Variants in SORCS2 observed in about 807,000 individuals in gnomAD.
SORCS2 encodes sortilin related VPS10 domain containing receptor 2, also known as VPS10 domain-containing receptor SorCS2.
In SORCS2, 100 loss-of-function variants were observed where a neutral mutation model predicts 141.6. That is an observed-to-expected ratio of 0.71 (90% CI 0.60 to 0.83). The LOEUF (loss-of-function observed/expected upper bound fraction) is 0.83. Among genes scored for constraint, SORCS2 ranks in the 40% least tolerant of loss-of-function variants. The pLI is 0.00. For missense variants in SORCS2, 1,646 were observed against 1,560.2 expected (o/e 1.05, Z -0.93); for synonymous variants, 789 against 676.9 (o/e 1.17, Z -2.57).
At chr4:7,332,830 G>A (rs1289717146) in intron 1 of SORCS2, among the ~76,000 whole-genome samples, 1 of 152,238 alleles carries the variant, frequency 6.6e-6, no homozygotes, top group East Asian at 1.9e-4. Flanking sequence ...CAGAGTGTGG[G>A]TGAGGCAGGA....
At chr4:7,259,169 G>A (rs80309329) in intron 1 of SORCS2, among the ~76,000 whole-genome samples, 44 of 152,150 alleles carry the variant, frequency 2.9e-4, no homozygotes, top group African/African-American at 9.6e-4. Context: ...TGTTGCCACC[G>A]TTTCTTTAAA....
chr4:7,729,282 G>C (rs938003335), intron 22 of SORCS2, among the ~76,000 whole-genome samples: 1 of 152,130 alleles, frequency 6.6e-6, no homozygotes, highest in African/African-American at 2.4e-5. Flanking sequence ...CAGGGAGGAA[G>C]GTGCTGGTGC....
chr4:7,284,750 G>A (rs1312900049), intron 1 of SORCS2, among the ~76,000 whole-genome samples: 1 of 152,140 alleles, frequency 6.6e-6, no homozygotes, highest in East Asian at 1.9e-4. Flanking sequence ...TGCTACAACC[G>A]GGTGGCTTAA....
intron 10 of SORCS2, among the ~76,000 whole-genome samples, chr4:7,686,873 G>A (rs1197896372): frequency 3.3e-5 from 5 of 152,244 alleles, no homozygotes; most frequent in Non-Finnish European, 7.3e-5. Flanking sequence ...ATGCAAAAGG[G>A]TTCATAGAGC....
intron 2 of SORCS2, among the ~76,000 whole-genome samples, chr4:7,477,504 T>C (rs1730377905): frequency 6.6e-6 from 1 of 152,064 alleles, no homozygotes; most frequent in Admixed American, 6.5e-5. Context: ...GTGAGCTGGC[T>C]CCCATTCCAG....
chr4:7,464,167 G>A (rs927020552), intron 2 of SORCS2, among the ~76,000 whole-genome samples: 1 of 152,194 alleles, frequency 6.6e-6, no homozygotes, highest in African/African-American at 2.4e-5. Flanking sequence ...AATGGGCCAG[G>A]CAGCTTCACC....
intron 2 of SORCS2, among the ~76,000 whole-genome samples, chr4:7,438,129 G>T (rs538529556): frequency 7.9e-5 from 12 of 152,232 alleles, no homozygotes; most frequent in African/African-American, 2.9e-4. Flanking sequence ...GCTGCCCCAT[G>T]TGGCATTGAT....
At position 7,726,890 on chromosome 4, in the gene SORCS2, C is replaced by A; in HGVS notation, c.2856C>A (p.Val952=). 6.2e-7 allele frequency: 1 copy of A among 1,613,348 alleles called. No homozygotes were observed. The highest frequency in any genetic ancestry group is 8.5e-7 in the Non-Finnish European group (1 of 1,179,496). Residue 952 remains valine, a synonymous_variant, in exon 21 of 27, where the codon GTC becomes GTA. Coordinates refer to ENST00000507866, the MANE Select transcript of SORCS2 (RefSeq NM_020777.3). ...CGNSVLQDSR[V]LRVLDQFQVM... ...ACTCGGTGCTGCAGGACTCCAGGGT[C>A]CTCCGTGTGCTGGGTAAGTACTTCC...
intron 2 of SORCS2, among the ~76,000 whole-genome samples, chr4:7,411,989 G>C (rs1254519909): frequency 6.6e-6 from 1 of 152,176 alleles, no homozygotes; most frequent in Non-Finnish European, 1.5e-5. Flanking sequence ...ACCATCCCTA[G>C]CATGTATGCT....
rs891166809 is a variant in SORCS2, at chr4:7,192,690, C to T, written c.44C>T (p.Pro15Leu). The stretch of plus-strand genomic sequence containing the variant: ...TCGCGCGCCTCGAAGGGCCCCGGCC[C>T]CACCGCCCGAGCCCCGAGCCCCGGG... ...GPSRASKGPG[P>L]TARAPSPGAP... Residue 15 changes from proline to leucine, a missense_variant, in exon 1 of 27, where the codon CCC becomes CTC. Transcript: ENST00000507866. This position sits in a 1 kb window ranked among gnomAD's most constrained non-coding sequence, Gnocchi z 4.0. The T allele has an allele frequency of 7.6e-5, 75 of 989,120 alleles. 1 individual carries two copies. The highest frequency in any genetic ancestry group is 6.8e-5 in the Non-Finnish European group (57 of 833,882). The allele number at this position is 989,120 out of a possible 1,614,324, so 61.3% of individuals were successfully genotyped here.
intron 3 of SORCS2, 58 bp downstream of exon 3, chr4:7,531,687 G>A: frequency 6.5e-7 from 1 of 1,529,978 alleles, no homozygotes; most frequent in South Asian, 1.2e-5. Context: ...CGCTCACTCT[G>A]CAGAGCAAGG....
At position 7,192,747 on chromosome 4, in the gene SORCS2, G is replaced by T; in HGVS notation, c.101G>T (p.Arg34Leu). Residue 34 changes from arginine (R) to leucine (L), a missense_variant, in exon 1 of 27, where the codon CGG becomes CTG. Coordinates refer to ENST00000507866, the MANE Select transcript of SORCS2 (RefSeq NM_020777.3). This position sits in a 1 kb window ranked among gnomAD's most constrained non-coding sequence, Gnocchi z 4.0. Reference protein sequence around the residue: ...APPPPRSPRSRPLLLLLLLLG... With the variant: ...APPPPRSPRSLPLLLLLLLLG... Reference sequence around the variant, plus strand: ...CCGCCGCCGCGCTCGCCGCGCTCGCGGCCGCTCCTGCTGCTGCTGCTGCTG... The same window carrying T: ...CCGCCGCCGCGCTCGCCGCGCTCGCTGCCGCTCCTGCTGCTGCTGCTGCTG... 16 of 995,886 alleles carry T rather than the reference G, an allele frequency of 1.6e-5. No individual in the cohort carries two copies. Among genetic ancestry groups the T allele is most frequent in the Non-Finnish European group, 1.9e-5 (16 of 838,962 alleles). 61.7% of individuals were successfully genotyped at this position (995,886 alleles called of 1,614,324 possible).
chr4:7,558,287 A>G (rs1252963367), intron 3 of SORCS2, among the ~76,000 whole-genome samples: 1 of 152,218 alleles, frequency 6.6e-6, no homozygotes, highest in Non-Finnish European at 1.5e-5. Context: ...GTGTTGTGGG[A>G]CAGAGCTGTC....
chr4:7,373,094 TA>T (rs1445063966), intron 1 of SORCS2, among the ~76,000 whole-genome samples: 1 of 151,768 alleles, frequency 6.6e-6, no homozygotes, highest in Non-Finnish European at 1.5e-5. Context: ...TCATTGCTCT[TA>T]AATACGTAGC....
intron 1 of SORCS2, among the ~76,000 whole-genome samples, chr4:7,372,706 C>T (rs4044945): frequency 0.56 from 84,502 of 151,970 alleles, 23,806 homozygotes; most frequent in Middle Eastern, 0.61. Flanking sequence ...ATTTCCCTCA[C>T]CCCCCAGAAG....
chr4:7,430,321 A>G (rs1726747974), intron 2 of SORCS2: 1 of 152,226 alleles, frequency 6.6e-6, no homozygotes, highest in Non-Finnish European at 1.5e-5. Flanking sequence ...ATCTGGTTTG[A>G]AGTTTCTAAC....
intron 3 of SORCS2, among the ~76,000 whole-genome samples, chr4:7,556,549 A>G (rs927744119): frequency 1.3e-5 from 2 of 152,194 alleles, no homozygotes; most frequent in African/African-American, 2.4e-5. Flanking sequence ...TCTTGGGCTC[A>G]TGGGAAATCT....
chr4:7,626,201 C>G (rs1410520326), intron 3 of SORCS2, among the ~76,000 whole-genome samples: 4 of 152,012 alleles, frequency 2.6e-5, no homozygotes, highest in Non-Finnish European at 4.4e-5. Flanking sequence ...AAATACCGAC[C>G]ATTCATAGAT....
At chr4:7,220,355 G>T (rs1246632182) in intron 1 of SORCS2, among the ~76,000 whole-genome samples, 1 of 152,116 alleles carries the variant, frequency 6.6e-6, no homozygotes, top group Non-Finnish European at 1.5e-5. Flanking sequence ...TGCAACATGG[G>T]GTCTAGGGGC....
Sources: gnomAD v4.1 joint callset for allele counts (sites outside exome capture counted in the v4.1 genomes callset) on GRCh38, gnomAD v4.1.1 for gene constraint, Gnocchi (gnomAD v3.1) non-coding constraint, MANE v1.5 for transcripts, NCBI Gene and HGNC (gene_info 2026-07-23, HGNC 2026-07-21) for gene names.